Variants in GRID2 observed in about 807,000 individuals in gnomAD.
GRID2 encodes the protein glutamate ionotropic receptor delta type subunit 2.
Under a neutral mutation model 114.8 loss-of-function variants are expected in GRID2, and 33 were observed. That is an observed-to-expected ratio of 0.29 (90% confidence interval 0.22 to 0.38). The LOEUF (loss-of-function observed/expected upper bound fraction) is 0.38. GRID2 is among the 10% of genes least tolerant of loss of function. GRID2 has a pLI of 1.00. For synonymous variants in GRID2, 505 were observed against 449.9 expected (o/e 1.12, Z -1.55); for missense variants, 1,184 against 1,257.7 (o/e 0.94, Z 0.89).
intron 2 of GRID2, among the ~76,000 whole-genome samples, chr4:92,659,305 G>A (rs1732407596): frequency 6.6e-6 from 1 of 151,474 alleles, no homozygotes; most frequent in Non-Finnish European, 1.5e-5. Context: ...AATGCTTAGA[G>A]CCTGCATTTA....
At chr4:92,831,322 C>T (rs1037731301) in intron 2 of GRID2, among the ~76,000 whole-genome samples, 19 of 152,120 alleles carry the variant, frequency 1.2e-4, no homozygotes, top group Non-Finnish European at 2.4e-4. Context: ...CAAAGAGCTG[C>T]TCCCCTAATT....
At chr4:93,786,641 A>G (rs1307015967) in intron 1 of GRID2, among the ~76,000 whole-genome samples, 1 of 152,236 alleles carries the variant, frequency 6.6e-6, no homozygotes, top group Non-Finnish European at 1.5e-5. Flanking sequence ...TATTTTCTAC[A>G]AGATGGAGGA....
At chr4:93,212,337 A>G (rs1394826923) in intron 5 of GRID2, among the ~76,000 whole-genome samples, 2 of 152,164 alleles carry the variant, frequency 1.3e-5, no homozygotes, top group South Asian at 2.1e-4. Context: ...AAACTTGAAA[A>G]CAATATATTT....
chr4:92,348,191 G>C (rs138104155), intron 1 of GRID2, among the ~76,000 whole-genome samples: 22 of 152,176 alleles, frequency 1.4e-4, no homozygotes, highest in African/African-American at 4.8e-4. Context: ...GTCTCAAACT[G>C]CTGGGCTCAA....
intron 13 of GRID2, among the ~76,000 whole-genome samples, chr4:93,548,419 T>C (rs1733440461): frequency 6.6e-6 from 1 of 152,066 alleles, no homozygotes; most frequent in Non-Finnish European, 1.5e-5. Flanking sequence ...TGACGGTAAA[T>C]TTTTTTCTTG....
intron 2 of GRID2, among the ~76,000 whole-genome samples, chr4:92,873,169 A>T (rs1745395842): frequency 6.6e-6 from 1 of 152,150 alleles, no homozygotes; most frequent in Non-Finnish European, 1.5e-5. Flanking sequence ...CATGAAATAT[A>T]TTTATTATTG....
At chr4:93,775,371 T>C (rs1245910755), downstream of GRID2, among the ~76,000 whole-genome samples, 1 of 152,172 alleles carries the variant, frequency 6.6e-6, no homozygotes, top group East Asian at 1.9e-4. Flanking sequence ...CACACCAACA[T>C]AGGTCCTCAT....
At chr4:92,324,000 T>C (rs1726462329) in intron 1 of GRID2, among the ~76,000 whole-genome samples, 1 of 152,040 alleles carries the variant, frequency 6.6e-6, no homozygotes, top group African/African-American at 2.4e-5. Flanking sequence ...CCCGATTATG[T>C]AGAATTTGTT....
At chr4:92,458,974 C>T (rs561468054) in intron 1 of GRID2, among the ~76,000 whole-genome samples, 1 of 152,230 alleles carries the variant, frequency 6.6e-6, no homozygotes, top group African/African-American at 2.4e-5. Context: ...TGGTTTAAGT[C>T]CTATGGTCTC....
intron 1 of GRID2, among the ~76,000 whole-genome samples, chr4:92,382,257 A>G (rs1482553658): frequency 6.6e-6 from 1 of 152,034 alleles, no homozygotes; most frequent in African/African-American, 2.4e-5. Context: ...AAAAATATAG[A>G]TATAGCTATA....
chr4:93,307,188 C>T (rs57344246), intron 8 of GRID2, among the ~76,000 whole-genome samples: 5 of 145,244 alleles, frequency 3.4e-5, no homozygotes, highest in African/African-American at 1.3e-4. Flanking sequence ...GGCTACAGAG[C>T]GAGACTCCGT....
chr4:93,671,540 A>G (rs1340958291), intron 14 of GRID2, among the ~76,000 whole-genome samples: 1 of 152,124 alleles, frequency 6.6e-6, no homozygotes, highest in African/African-American at 2.4e-5. Context: ...GCCCCTCTAC[A>G]ACTCAGTTTC....
chr4:93,205,427 G>A (rs190115754), intron 4 of GRID2, among the ~76,000 whole-genome samples: 240 of 152,090 alleles, frequency 1.6e-3, no homozygotes, highest in Admixed American at 2.3e-3. Context: ...TTGTCCTTGC[G>A]ATAGTTTGCT....
chr4:92,983,578 T>A (rs1279338843), intron 2 of GRID2, among the ~76,000 whole-genome samples: 1 of 152,144 alleles, frequency 6.6e-6, no homozygotes. Flanking sequence ...TATATGATTA[T>A]GAAATTTTCA....
intron 2 of GRID2, among the ~76,000 whole-genome samples, chr4:92,609,513 C>G (rs1031757253): frequency 1.3e-5 from 2 of 151,220 alleles, no homozygotes; most frequent in East Asian, 3.9e-4. Flanking sequence ...TCAGGAAAAT[C>G]GCTTTTTGAG....
chr4:93,389,508 C>T lies in GRID2; in HGVS notation c.1246-6099C>T, dbSNP rs527518096. 1.1e-4 allele frequency among the ~76,000 whole-genome samples: 16 copies of T among 152,194 alleles called. 1 individual carries two copies. In the South Asian group the frequency reaches 1.5e-3, roughly 14 times the overall value. On this transcript the variant is annotated intron_variant, in intron 8 of 15. Transcript: ENST00000282020. ...AAAGAAAGAAGAATAAAGAGGACAGCAGGAGTTTTAAATCATGGATTTGTT... is the reference window on the plus strand; with the variant it reads ...AAAGAAAGAAGAATAAAGAGGACAGTAGGAGTTTTAAATCATGGATTTGTT...
At chr4:93,555,735 C>T (rs1734254914) in intron 13 of GRID2, among the ~76,000 whole-genome samples, 1 of 152,186 alleles carries the variant, frequency 6.6e-6, no homozygotes, top group Admixed American at 6.5e-5. Context: ...ACAGATCTCC[C>T]AGCACAGCGC....
chr4:93,122,979 C>G (rs1472844225), intron 4 of GRID2, among the ~76,000 whole-genome samples: 1 of 127,136 alleles, frequency 7.9e-6, no homozygotes, highest in Admixed American at 1.0e-4. Context: ...GTTCTTGCTT[C>G]TGTTAATGAG....
intron 2 of GRID2, among the ~76,000 whole-genome samples, chr4:92,899,813 T>C (rs1747441329): frequency 6.6e-6 from 1 of 152,182 alleles, no homozygotes. Context: ...GCAATAAACA[T>C]AATGAATAAA....
Sources: gnomAD v4.1 joint callset for allele counts (sites outside exome capture counted in the v4.1 genomes callset) on GRCh38, gnomAD v4.1.1 for gene constraint, MANE v1.5 for transcripts, NCBI Gene and HGNC (gene_info 2026-07-23, HGNC 2026-07-21) for gene names.